The following ANK2 variants were observed in gnomAD, a reference collection of about 807,000 sequenced individuals.
ANK2 encodes the protein ankyrin 2.
A neutral mutation model predicts 360.5 loss-of-function variants in ANK2; 83 were observed. That is an observed-to-expected ratio of 0.23 (90% CI 0.19 to 0.28). The LOEUF (loss-of-function observed/expected upper bound fraction) is 0.28, where lower values mean the gene tolerates loss of function less well. Ranked by LOEUF, ANK2 falls within the 10% of genes least tolerant of loss-of-function variation. The probability of loss-of-function intolerance (pLI) is 1.00; values close to 1 mark genes in which losing one functional copy is unlikely to be tolerated. For synonymous variants in ANK2, 1,740 were observed against 1,759.5 expected (o/e 0.99, Z 0.28); for missense variants, 4,201 against 4,795.7 (o/e 0.88, Z 3.66).
intron 2 of ANK2, among the ~76,000 whole-genome samples, chr4:113,017,663 T>A (rs959741061): frequency 3.3e-5 from 5 of 152,192 alleles, no homozygotes; most frequent in African/African-American, 1.2e-4. Flanking sequence ...GAATTTTGTA[T>A]AGATTTTTGA....
In ANK2 at chr4:113,247,670, A is replaced by G. The variant is rs113841134; in HGVS notation, c.892-2094A>G. 6.8e-3 allele frequency among the ~76,000 whole-genome samples: 1,034 copies of G among 152,320 alleles called. 10 individuals carry two copies. Among genetic ancestry groups the G allele is most frequent in the African/African-American group, 0.024 (993 of 41,564 alleles). ...CAAGTTAAATAGGGTGAGAAACATC[A>G]TCTCCACTCTATGTATCACGAAGCT... is the stretch of plus-strand genomic sequence containing the variant. On this transcript the variant is annotated intron_variant, in intron 9 of 45. Coordinates refer to ENST00000357077, the MANE Select transcript of ANK2 (RefSeq NM_001148.6).
intron 1 of ANK2, among the ~76,000 whole-genome samples, chr4:113,133,419 G>A (rs62313808): frequency 0.17 from 26,192 of 151,884 alleles, 2,326 homozygotes; most frequent in African/African-American, 0.2. Flanking sequence ...TTTTTTAGGG[G>A]AAGAAAATTA....
At chr4:113,232,010 C>A (rs781590349) in intron 4 of ANK2, 151 bp from the exon 5 acceptor site, 5 of 626,516 alleles carry the variant, frequency 8.0e-6, no homozygotes, top group Admixed American at 2.3e-5. Flanking sequence ...TGATTCACTG[C>A]GATTTTGTCT....
At chr4:112,922,060 T>G (rs1342532247) in intron 2 of ANK2, among the ~76,000 whole-genome samples, 1 of 152,208 alleles carries the variant, frequency 6.6e-6, no homozygotes, top group African/African-American at 2.4e-5. Context: ...TTGATTCAAA[T>G]ATTGTAATTC....
chr4:112,785,822 A>G, the ANK2 span, among the ~76,000 whole-genome samples: 1 of 151,622 alleles, frequency 6.6e-6, no homozygotes, highest in Admixed American at 6.6e-5. Context: ...GTGAACCACT[A>G]TGCCAGCCTG....
the ANK2 span, among the ~76,000 whole-genome samples, chr4:112,712,547 A>G: frequency 6.6e-6 from 1 of 151,218 alleles, no homozygotes; most frequent in Non-Finnish European, 1.5e-5. Context: ...GGCTAGGACT[A>G]CAGGCGCCTG....
chr4:113,115,937 C>T (rs1237218861), intron 1 of ANK2, among the ~76,000 whole-genome samples: 1 of 152,126 alleles, frequency 6.6e-6, no homozygotes, highest in African/African-American at 2.4e-5. Flanking sequence ...TGGGAAGGAA[C>T]GTCCATAGTC....
rs369777545 is a variant in ANK2 at position 113,363,412 on chromosome 4, G to A, written c.10831G>A (p.Asp3611Asn). 6.8e-6 allele frequency: 11 copies of A among 1,613,426 alleles called. No individual in the cohort carries two copies. Among genetic ancestry groups the A allele is most frequent in the Admixed American group, 6.7e-5 (4 of 59,948 alleles). ...IRIENPNSLQDQSHALLKYWL... is the reference protein window; with the variant it reads ...IRIENPNSLQNQSHALLKYWL... ...AATTGAAAATCCCAACTCTCTTCAAGACCAGAGTCATGCACTGTTGAAGTA... is the reference window on the plus strand; with the variant it reads ...AATTGAAAATCCCAACTCTCTTCAAAACCAGAGTCATGCACTGTTGAAGTA... The change falls in exon 40 of 46, where the codon GAC becomes AAC. Residue 3611 changes from aspartate to asparagine, a missense_variant. Asp to Asn is a conservative substitution (Grantham distance 23). Coordinates refer to ENST00000357077, the MANE Select transcript of ANK2 (RefSeq NM_001148.6).
rs986517069 is a variant in ANK2, at chr4:113,104,495, C to T, written c.84+54683C>T. ...TTGGGATGCTGAGGCAGGCAGATCA[C>T]CTGAGATCAGGAGTTTGAGACCAGC... On this transcript the variant is annotated intron_variant, in intron 1 of 45. Transcript: ENST00000357077. Among the ~76,000 whole-genome samples, 19 of 152,262 alleles carry T rather than the reference C, an allele frequency of 1.2e-4. No homozygotes were observed. In the East Asian group the frequency reaches 2.5e-3, roughly 20 times the overall value.
intron 4 of ANK2, among the ~76,000 whole-genome samples, chr4:113,225,362 C>T (rs1023881400): frequency 1.3e-5 from 2 of 151,960 alleles, no homozygotes; most frequent in East Asian, 1.9e-4. Context: ...GAGAGCAGGA[C>T]CCCCCAGTGC....
intron 5 of ANK2, among the ~76,000 whole-genome samples, chr4:113,232,552 A>G (rs1162895341): frequency 6.6e-6 from 1 of 152,192 alleles, no homozygotes; most frequent in African/African-American, 2.4e-5. Context: ...AAATTCAATT[A>G]CAGTAAATTC....
At chr4:113,295,576 T>C (rs72675244) in intron 22 of ANK2, among the ~76,000 whole-genome samples, 2 of 152,282 alleles carry the variant, frequency 1.3e-5, no homozygotes, top group East Asian at 3.9e-4. Context: ...CTCTGTGAGC[T>C]TTTTTTCTTT....
At chr4:112,904,765 T>C (rs759018026) in intron 2 of ANK2, among the ~76,000 whole-genome samples, 7 of 152,106 alleles carry the variant, frequency 4.6e-5, no homozygotes, top group Non-Finnish European at 8.8e-5. Flanking sequence ...CCTCAAGATA[T>C]TCATTGCTGG....
chr4:112,817,594 A>G (rs1560638899), upstream of ANK2, among the ~76,000 whole-genome samples: 3 of 151,592 alleles, frequency 2.0e-5, no homozygotes, highest in Non-Finnish European at 4.4e-5. Flanking sequence ...CTAGCTTAAA[A>G]CACACACACA....
At chr4:113,000,101 G>A (rs968813705) in intron 2 of ANK2, among the ~76,000 whole-genome samples, 1 of 152,166 alleles carries the variant, frequency 6.6e-6, no homozygotes, top group African/African-American at 2.4e-5. Flanking sequence ...TTATACCGCA[G>A]GGCTTATATA....
At chr4:113,025,318 AAATTGTGACAGAGGAAG>A (rs146548373) in intron 2 of ANK2, among the ~76,000 whole-genome samples, 4,924 of 152,238 alleles carry the variant, frequency 0.032, 253 homozygotes, top group African/African-American at 0.11. Context: ...TGTGATGTAA[AAATTGTGACAGAGGAAG>A]AAAGGTTGTA....
chr4:112,776,092 G>A, the ANK2 span, among the ~76,000 whole-genome samples: 1 of 152,236 alleles, frequency 6.6e-6, no homozygotes, highest in African/African-American at 2.4e-5. Context: ...GTAGGATTTG[G>A]GGGAGTGTTC....
At chr4:113,286,422 A>T (rs1179546596) in intron 18 of ANK2, among the ~76,000 whole-genome samples, 1 of 152,140 alleles carries the variant, frequency 6.6e-6, no homozygotes, top group African/African-American at 2.4e-5. Context: ...GCCTCCTCTC[A>T]CGTTGTAGAA....
rs145614759 is a variant in ANK2 at position 113,354,405 on chromosome 4, G to T, written c.5787G>T (p.Ser1929=). The T allele has an allele frequency of 2.5e-6, 4 of 1,613,986 alleles. No homozygotes were observed. The highest frequency in any genetic ancestry group is 1.7e-5 in the Admixed American group (1 of 60,004). Residue 1929 remains serine (S), a synonymous_variant, in exon 38 of 46, where the codon TCG becomes TCT. Transcript: ENST00000357077. Reference sequence around the variant, plus strand: ...GGACAGAAAAACACCCGCCAGTATCGCCTGGGAGAACAGAAAAACGCTTGC... The same window carrying T: ...GGACAGAAAAACACCCGCCAGTATCTCCTGGGAGAACAGAAAAACGCTTGC... The part of the protein sequence containing the change: ...SGRTEKHPPV[S]PGRTEKRLPV...
Sources: allele counts gnomAD v4.1 joint callset (sites outside exome capture counted in the v4.1 genomes callset), GRCh38; gene constraint gnomAD v4.1.1; transcripts MANE v1.5; gene names NCBI Gene and HGNC (gene_info 2026-07-23, HGNC 2026-07-21).